FRMD4B: variants seen among roughly 807,000 people sequenced by gnomAD.
FRMD4B encodes the protein FERM domain containing 4B, also known as FERM domain-containing protein 4B.
FRMD4B carries 74 observed loss-of-function variants against 141.5 expected under a neutral mutation model. The ratio of observed to expected loss-of-function variants is 0.52; its 90% CI spans 0.43 to 0.63. FRMD4B has a LOEUF of 0.63. Among genes scored for constraint, FRMD4B ranks in the 30% least tolerant of loss-of-function variants. The probability of loss-of-function intolerance (pLI) is 0.00; values close to 1 mark genes in which losing one functional copy is unlikely to be tolerated. For missense variants in FRMD4B, 1,366 were observed against 1,253.4 expected (o/e 1.09, Z -1.36); for synonymous variants, 506 against 467.9 (o/e 1.08, Z -1.05).
At chr3:69,409,297 T>A (rs1000049201) in intron 2 of FRMD4B, among the ~76,000 whole-genome samples, 3 of 152,188 alleles carry the variant, frequency 2.0e-5, no homozygotes, top group Non-Finnish European at 4.4e-5. Context: ...GCAAATCCAC[T>A]CGGCTGTTGA....
chr3:69,438,861 C>T (rs1705299701), intron 1 of FRMD4B, among the ~76,000 whole-genome samples: 1 of 152,110 alleles, frequency 6.6e-6, no homozygotes, highest in South Asian at 2.1e-4. Flanking sequence ...GCAACAAACT[C>T]CTATCCATGC....
At chr3:69,347,756 C>T (rs1404930901) in intron 1 of FRMD4B, among the ~76,000 whole-genome samples, 2 of 152,122 alleles carry the variant, frequency 1.3e-5, no homozygotes, top group Admixed American at 6.5e-5. Context: ...GAAATGAAGG[C>T]AGAAATAAAG....
intron 1 of FRMD4B, among the ~76,000 whole-genome samples, chr3:69,516,617 A>G (rs1031918571): frequency 9.2e-5 from 14 of 152,350 alleles, no homozygotes; most frequent in African/African-American, 3.4e-4. Flanking sequence ...CTACAGAGCT[A>G]TAATGCAATA....
intron 1 of FRMD4B, among the ~76,000 whole-genome samples, chr3:69,335,549 C>T (rs1702517654): frequency 6.6e-6 from 1 of 150,878 alleles, no homozygotes; most frequent in South Asian, 2.1e-4. Flanking sequence ...TTTTTGCATC[C>T]TTGTGATCTG....
At position 69,370,831 on chromosome 3, in the gene FRMD4B, T is replaced by C. The variant is rs144822033; in HGVS notation, c.162+14997A>G. Among the ~76,000 whole-genome samples the C allele has an allele frequency of 2.2e-3, 341 of 152,338 alleles. 2 individuals carry two copies. Among genetic ancestry groups the C allele is most frequent in the Middle Eastern group, 6.8e-3 (2 of 294 alleles). ...ATGGCCTCCTGACCGCTCTTATGCC[T>C]TTTAAGTCATTCTCCCTAGAGTGGC... is the stretch of plus-strand genomic sequence containing the variant. On this transcript the variant is annotated intron_variant, in intron 1 of 22. Transcript: ENST00000398540.
At chr3:69,366,104 CACAA>C (rs1320316886) in intron 1 of FRMD4B, among the ~76,000 whole-genome samples, 3 of 117,044 alleles carry the variant, frequency 2.6e-5, no homozygotes, top group Admixed American at 1.8e-4. Context: ...CACACACACA[CACAA>C]AATTAGCTGG....
chr3:69,327,360 T>C (rs1559807569), intron 1 of FRMD4B, among the ~76,000 whole-genome samples: 1 of 152,236 alleles, frequency 6.6e-6, no homozygotes, highest in Non-Finnish European at 1.5e-5. Flanking sequence ...ATATTCTAGG[T>C]ATTGCCTATT....
chr3:69,202,067 G>A (rs1434073078), intron 11 of FRMD4B, among the ~76,000 whole-genome samples: 1 of 152,098 alleles, frequency 6.6e-6, no homozygotes, highest in East Asian at 1.9e-4. Flanking sequence ...AGCCGGGTAT[G>A]GTGCGAGAGT....
chr3:69,383,791 C>T (rs2220112), intron 1 of FRMD4B, among the ~76,000 whole-genome samples: 23,562 of 152,124 alleles, frequency 0.15, 1,948 homozygotes, highest in Admixed American at 0.21. Flanking sequence ...AACTCCTGGG[C>T]TCAAGTGATC....
intron 1 of FRMD4B, among the ~76,000 whole-genome samples, chr3:69,445,072 C>T (rs143517833): frequency 8.6e-4 from 131 of 152,244 alleles, no homozygotes; most frequent in African/African-American, 2.4e-3. Flanking sequence ...TAAACTCCTC[C>T]GAGCACTCCC....
Position 69,198,705 on chromosome 3 carries a change from G to C in FRMD4B, c.946C>G (p.Pro316Ala). ...EKKFAVEVHD[P>A]RRISVSRRTF... ...AACGTCTTTGATCCTCACCTTCGTG[G>C]ATCATGAACTTCAACAGCAAATTTT... The change falls in exon 12 of 23, where the codon CCA becomes GCA. Residue 316 changes from proline (P) to alanine (A), a missense_variant. By Grantham distance (27) the Pro-to-Ala change is conservative (BLOSUM62 -1). Coordinates refer to ENST00000398540, the MANE Select transcript of FRMD4B (RefSeq NM_015123.3). The C allele has an allele frequency of 6.6e-7, 1 of 1,525,690 alleles. No homozygotes were observed. Among genetic ancestry groups the C allele is most frequent in the Non-Finnish European group, 9.0e-7 (1 of 1,112,552 alleles). 94.5% of individuals were successfully genotyped at this position (1,525,690 alleles called of 1,614,324 possible).
intron 5 of FRMD4B, among the ~76,000 whole-genome samples, chr3:69,251,780 A>G (rs529168800): frequency 1.1e-3 from 166 of 152,352 alleles, no homozygotes; most frequent in African/African-American, 3.7e-3. Context: ...GCAGGAGACG[A>G]TGGTTTTCCA....
intron 3 of FRMD4B, among the ~76,000 whole-genome samples, chr3:69,308,205 T>G (rs1437437997): frequency 6.6e-6 from 1 of 152,164 alleles, no homozygotes; most frequent in Non-Finnish European, 1.5e-5. Flanking sequence ...CCTGATTTAA[T>G]AGTATTGAAT....
At chr3:69,468,025 CTGAT>C (rs1705823444) in intron 1 of FRMD4B, among the ~76,000 whole-genome samples, 1 of 152,216 alleles carries the variant, frequency 6.6e-6, no homozygotes. Flanking sequence ...CCATTCTGAA[CTGAT>C]TAACAGAGTT....
intron 1 of FRMD4B, among the ~76,000 whole-genome samples, chr3:69,473,590 C>A (rs545346171): frequency 8.9e-4 from 136 of 152,252 alleles, no homozygotes; most frequent in African/African-American, 3.0e-3. Context: ...TTTAATCATC[C>A]AAGTATATAT....
chr3:69,305,446 G>A (rs963241509), intron 3 of FRMD4B, among the ~76,000 whole-genome samples: 8 of 152,206 alleles, frequency 5.3e-5, no homozygotes, highest in Non-Finnish European at 1.2e-4. Flanking sequence ...CGTTAAGAGA[G>A]TCTTACACTC....
At chr3:69,427,752 C>T (rs1455470695) in intron 2 of FRMD4B, among the ~76,000 whole-genome samples, 3 of 142,794 alleles carry the variant, frequency 2.1e-5, no homozygotes, top group Non-Finnish European at 3.0e-5. Flanking sequence ...AACTCCCAGG[C>T]TCAAGCAATT....
intron 1 of FRMD4B, among the ~76,000 whole-genome samples, chr3:69,511,893 T>C (rs752100852): frequency 6.6e-6 from 1 of 152,086 alleles, no homozygotes; most frequent in South Asian, 2.1e-4. Context: ...CTGGACTATA[T>C]ACAACTTAGA....
At chr3:69,249,381 C>CCT in intron 6 of FRMD4B, 133 bp from the exon 7 acceptor site, 1 of 596,966 alleles carries the variant, frequency 1.7e-6, no homozygotes, top group Non-Finnish European at 3.0e-6. Context: ...GAATGCTCTC[C>CCT]CTATAGGCAT....
Sources: gnomAD v4.1 joint callset for allele counts (sites outside exome capture counted in the v4.1 genomes callset) on GRCh38, gnomAD v4.1.1 for gene constraint, MANE v1.5 for transcripts, NCBI Gene and HGNC (gene_info 2026-07-23, HGNC 2026-07-21) for gene names.